PLXNC1: variants seen among roughly 807,000 people sequenced by gnomAD.
PLXNC1 encodes plexin C1, also known as plexin-C1.
PLXNC1 carries 75 observed loss-of-function variants against 178.2 expected under a neutral mutation model. The observed-to-expected ratio is 0.42, with a 90% confidence interval of 0.35 to 0.51. The LOEUF (loss-of-function observed/expected upper bound fraction) is 0.51. Among genes scored for constraint, PLXNC1 ranks in the 20% least tolerant of loss-of-function variants. The pLI, the probability that PLXNC1 is intolerant of heterozygous loss-of-function variation, is 0.02. For synonymous variants in PLXNC1, 790 were observed against 779.9 expected, an observed-to-expected ratio of 1.01 and a Z score of -0.22; for missense variants, 1,503 against 1,984.4, an observed-to-expected ratio of 0.76 and a Z score of 4.61.
At chr12:94,304,657 T>C (rs1968815147) in intron 30 of PLXNC1, among the ~76,000 whole-genome samples, 1 of 152,158 alleles carries the variant, frequency 6.6e-6, no homozygotes. Flanking sequence ...ACCAATTCCA[T>C]TTGCTACTTG....
intron 7 of PLXNC1, among the ~76,000 whole-genome samples, chr12:94,225,554 T>G (rs534950026): frequency 6.6e-6 from 1 of 152,128 alleles, no homozygotes; most frequent in South Asian, 2.1e-4. Flanking sequence ...AGGGTGTGAA[T>G]TAAATAGAAT....
chr12:94,260,711 G>A lies in PLXNC1; in HGVS notation c.3321G>A (p.Glu1107=). 1.2e-6 allele frequency: 2 copies of A among 1,614,116 alleles called. No individual in the cohort carries two copies. Among genetic ancestry groups the A allele is most frequent in the Non-Finnish European group, 1.7e-6 (2 of 1,179,992 alleles). Residue 1107 remains glutamate (E), a synonymous_variant, in exon 20 of 31, where the codon GAG becomes GAA. Coordinates refer to ENST00000258526, the MANE Select transcript of PLXNC1 (RefSeq NM_005761.3). This position sits in a 1 kb window ranked among gnomAD's most constrained non-coding sequence, Gnocchi z 4.4. ...TKLVYLTSIL[E]VLTRDLMEQC... is the part of the protein sequence containing the mutation. The stretch of plus-strand genomic sequence containing the variant: ...TGGTCTACCTGACCAGCATCCTAGA[G>A]GTGCTGACCAGGGACTTGATGGAAC...
At chr12:94,297,461 A>T in intron 26 of PLXNC1, 38 bp downstream of exon 26, 2 of 1,349,476 alleles carry the variant, frequency 1.5e-6, no homozygotes, top group Non-Finnish European at 2.1e-6. Flanking sequence ...ATGGCTACCT[A>T]GGGGGTGTAT....
At chr12:94,212,463 T>C (rs1164403387) in intron 5 of PLXNC1, among the ~76,000 whole-genome samples, 1 of 151,926 alleles carries the variant, frequency 6.6e-6, no homozygotes, top group Non-Finnish European at 1.5e-5. Context: ...CTCCTAATGT[T>C]ATCCCTCCCC....
intron 4 of PLXNC1, among the ~76,000 whole-genome samples, chr12:94,187,267 G>C (rs950475255): frequency 1.3e-4 from 20 of 152,170 alleles, no homozygotes; most frequent in African/African-American, 4.6e-4. Flanking sequence ...AGAAAGAGCA[G>C]AGCAGGTGGA....
At chr12:94,150,101 G>C in intron 1 of PLXNC1, 68 bp downstream of exon 1, 1 of 1,304,948 alleles carries the variant, frequency 7.7e-7, no homozygotes, top group Non-Finnish European at 1.0e-6. Flanking sequence ...CGCCGAGGCA[G>C]AACGAGCTGG....
intron 11 of PLXNC1, among the ~76,000 whole-genome samples, chr12:94,242,384 C>T (rs1471347469): frequency 6.9e-6 from 1 of 145,894 alleles, no homozygotes; most frequent in East Asian, 2.1e-4. Context: ...TCTTGGCTCA[C>T]TGCAACCTCC....
At chr12:94,284,499 A>T (rs1966698511) in intron 23 of PLXNC1, among the ~76,000 whole-genome samples, 1 of 152,076 alleles carries the variant, frequency 6.6e-6, no homozygotes, top group African/African-American at 2.4e-5. Context: ...TTTGTTTCAG[A>T]TGTTTTTCAC....
chr12:94,283,580 G>C (rs1966610623), intron 23 of PLXNC1, among the ~76,000 whole-genome samples: 1 of 152,214 alleles, frequency 6.6e-6, no homozygotes, highest in African/African-American at 2.4e-5. Flanking sequence ...ACTCAAATCA[G>C]TCTCCCTGAG....
chr12:94,300,886 A>G, intron 27 of PLXNC1, 24 bp from the exon 28 acceptor site: 1 of 1,596,154 alleles, frequency 6.3e-7, no homozygotes, highest in Admixed American at 1.7e-5. Flanking sequence ...CTATTTGAAA[A>G]GAGATTATTC....
intron 1 of PLXNC1, among the ~76,000 whole-genome samples, chr12:94,153,311 C>T (rs997077824): frequency 6.6e-6 from 1 of 152,206 alleles, no homozygotes; most frequent in Non-Finnish European, 1.5e-5. Context: ...AACAACCTCC[C>T]CTAGGATGTG....
intron 1 of PLXNC1, among the ~76,000 whole-genome samples, chr12:94,167,579 A>C (rs1961663654): frequency 6.6e-6 from 1 of 152,174 alleles, no homozygotes; most frequent in South Asian, 2.1e-4. Context: ...TTAATCCTAA[A>C]GGTCATCCGA....
At chr12:94,237,918 C>T in intron 10 of PLXNC1, 115 bp downstream of exon 10, 3 of 975,284 alleles carry the variant, frequency 3.1e-6, no homozygotes, top group Non-Finnish European at 4.5e-6. Context: ...TGCCCCAAAG[C>T]AGGCCAATTA....
At chr12:94,153,887 A>G (rs1177646049) in intron 1 of PLXNC1, among the ~76,000 whole-genome samples, 1 of 152,208 alleles carries the variant, frequency 6.6e-6, no homozygotes, top group East Asian at 1.9e-4. Flanking sequence ...GTGACATCCC[A>G]GTTCCACTTG....
chr12:94,287,905 C>G (rs1453082341), intron 23 of PLXNC1, among the ~76,000 whole-genome samples: 3 of 152,224 alleles, frequency 2.0e-5, no homozygotes, highest in Non-Finnish European at 4.4e-5. Context: ...CTTTACCGCT[C>G]CATGAGGTGA....
chr12:94,219,332 G>A (rs921289232), intron 5 of PLXNC1, among the ~76,000 whole-genome samples: 7 of 152,164 alleles, frequency 4.6e-5, no homozygotes, highest in African/African-American at 1.7e-4. Flanking sequence ...AGTGGGAAAA[G>A]GAGGTTTGTT....
intron 9 of PLXNC1, among the ~76,000 whole-genome samples, chr12:94,228,032 A>G (rs1312940212): frequency 1.3e-5 from 2 of 152,200 alleles, no homozygotes; most frequent in Non-Finnish European, 2.9e-5. Context: ...TCCATTTTCC[A>G]TTTCTCTAAT....
At chr12:94,151,299 A>C (rs1303275584) in intron 1 of PLXNC1, among the ~76,000 whole-genome samples, 1 of 152,070 alleles carries the variant, frequency 6.6e-6, no homozygotes, top group African/African-American at 2.4e-5. Context: ...CATCTTACCA[A>C]ATATTAGCCC....
chr12:94,233,508 G>A (rs939184405), intron 9 of PLXNC1, among the ~76,000 whole-genome samples: 5 of 152,206 alleles, frequency 3.3e-5, no homozygotes, highest in African/African-American at 1.2e-4. Flanking sequence ...TCCTTTTAGA[G>A]TCTGCAGCTC....
Sources: gnomAD v4.1 joint callset for allele counts (sites outside exome capture counted in the v4.1 genomes callset) on GRCh38, gnomAD v4.1.1 for gene constraint, Gnocchi (gnomAD v3.1) non-coding constraint, MANE v1.5 for transcripts, NCBI Gene and HGNC (gene_info 2026-07-23, HGNC 2026-07-21) for gene names.